The following KIFAP3 variants were observed in gnomAD, a reference collection of about 807,000 sequenced individuals.
The protein encoded by KIFAP3 is kinesin associated protein 3, also known as kinesin-associated protein 3.
Under a neutral mutation model 106.5 loss-of-function variants are expected in KIFAP3, and 68 were observed. The observed-to-expected ratio is 0.64, with a 90% CI of 0.53 to 0.78. KIFAP3 has a LOEUF of 0.78. Ranked by LOEUF, KIFAP3 falls within the 30% of genes least tolerant of loss-of-function variation. The pLI, the probability that KIFAP3 is intolerant of heterozygous loss-of-function variation, is 0.00. For synonymous variants in KIFAP3, 320 were observed against 311.5 expected, an observed-to-expected ratio of 1.03 and a Z score of -0.29; for missense variants, 780 against 941.8, an observed-to-expected ratio of 0.83 and a Z score of 2.25.
intron 10 of KIFAP3, among the ~76,000 whole-genome samples, chr1:170,001,556 C>A (rs1366075100): frequency 6.6e-6 from 1 of 152,132 alleles, no homozygotes; most frequent in Non-Finnish European, 1.5e-5. Flanking sequence ...TGTTTGCTCA[C>A]TTGATCAGGT....
At chr1:170,011,853 T>C (rs1265506045) in intron 10 of KIFAP3, among the ~76,000 whole-genome samples, 1 of 152,124 alleles carries the variant, frequency 6.6e-6, no homozygotes, top group Non-Finnish European at 1.5e-5. Flanking sequence ...GTTAATGATT[T>C]AATTGTCTAC....
Position 170,039,286 on chromosome 1 carries a change from T to G in KIFAP3, c.322A>C (p.Lys108Gln), listed in dbSNP as rs759016796. ...NRRDSLSGKE[K>Q]KEKSSKPKDP... ...TTAGGCTTGCTTGATTTTTCTTTTTTCTCTGTAAAAAGATTTTTTTTTAAT... is the reference window on the plus strand; with the variant it reads ...TTAGGCTTGCTTGATTTTTCTTTTTGCTCTGTAAAAAGATTTTTTTTTAAT... Residue 108 changes from lysine (K) to glutamine (Q), a missense_variant and splice_region_variant, in exon 4 of 20, where the codon AAA (lysine) becomes CAA (glutamine). Around this residue, in one of 3 missense-constraint regions of KIFAP3, gnomAD observed 588 missense variants for 678.9 expected, o/e 0.87. Coordinates refer to ENST00000361580, the MANE Select transcript of KIFAP3 (RefSeq NM_014970.4). 25 of 1,588,766 alleles carry G rather than the reference T, an allele frequency of 1.6e-5. No individual in the cohort carries two copies. The South Asian group carries it at 2.6e-4, about 17-fold the overall frequency.
rs1446810204 is a variant in KIFAP3 at position 170,035,676 on chromosome 1, G to C, written c.518-123C>G. 1.1e-5 allele frequency: 6 copies of C among 548,954 alleles called. No individual in the cohort carries two copies. The Admixed American group carries it at 2.3e-4, about 21-fold the overall frequency. 34.0% of individuals were successfully genotyped at this position (548,954 alleles called of 1,614,324 possible). On this transcript the variant is annotated intron_variant, in intron 5 of 19. Coordinates refer to ENST00000361580, the MANE Select transcript of KIFAP3 (RefSeq NM_014970.4). ...TAAGATAGAACTGGGACAAAAAGTA[G>C]GATGCTTCTTTCCAATACAGACAGC...
chr1:170,049,418 T>C (rs1353516027), intron 2 of KIFAP3, among the ~76,000 whole-genome samples: 2 of 152,208 alleles, frequency 1.3e-5, no homozygotes, highest in Admixed American at 6.5e-5. Context: ...CTTTCCTGCC[T>C]GCTGGCTTTG....
rs559800866 is a variant in KIFAP3 at position 170,028,500 on chromosome 1, G to A, written c.841+3386C>T. On this transcript the variant is annotated intron_variant, in intron 8 of 19. Coordinates refer to ENST00000361580, the MANE Select transcript of KIFAP3 (RefSeq NM_014970.4). Reference sequence around the variant, plus strand: ...CTACAGGCGTGTGCCACCACACCCAGCTAATTTTTGTTTTTTGGTGGAGAC... The same window carrying A: ...CTACAGGCGTGTGCCACCACACCCAACTAATTTTTGTTTTTTGGTGGAGAC... 6.6e-5 allele frequency among the ~76,000 whole-genome samples: 10 copies of A among 152,212 alleles called. 1 individual carries two copies. Among genetic ancestry groups the A allele is most frequent in the South Asian group, 6.2e-4 (3 of 4,826 alleles).
At chr1:169,997,125 T>C (rs1425080952) in intron 10 of KIFAP3, among the ~76,000 whole-genome samples, 1 of 152,198 alleles carries the variant, frequency 6.6e-6, no homozygotes, top group Non-Finnish European at 1.5e-5. Flanking sequence ...GGAGGCAGAA[T>C]GCTCGGGTTC....
At chr1:169,945,660 T>C (rs1164180991) in intron 19 of KIFAP3, among the ~76,000 whole-genome samples, 1 of 152,230 alleles carries the variant, frequency 6.6e-6, no homozygotes, top group African/African-American at 2.4e-5. Context: ...AATTGAACAC[T>C]AACTTGAAGA....
chr1:170,037,611 C>T (rs1259866684), intron 5 of KIFAP3, among the ~76,000 whole-genome samples: 1 of 150,972 alleles, frequency 6.6e-6, no homozygotes, highest in Non-Finnish European at 1.5e-5. Flanking sequence ...GTGGCACGTG[C>T]CTATAATCCC....
intron 3 of KIFAP3, among the ~76,000 whole-genome samples, chr1:170,042,063 AG>A (rs991090111): frequency 2.0e-5 from 3 of 152,182 alleles, no homozygotes; most frequent in Non-Finnish European, 2.9e-5. Context: ...ACGGGTGGAA[AG>A]GGGGGTCTGT....
At chr1:169,955,532 A>C (rs1220565672) in intron 18 of KIFAP3, among the ~76,000 whole-genome samples, 1 of 152,110 alleles carries the variant, frequency 6.6e-6, no homozygotes, top group African/African-American at 2.4e-5. Context: ...TAAATGACGA[A>C]ATCTGTTTGA....
At chr1:170,004,146 C>A (rs1161536459) in intron 10 of KIFAP3, among the ~76,000 whole-genome samples, 2 of 151,950 alleles carry the variant, frequency 1.3e-5, no homozygotes, top group African/African-American at 4.8e-5. Flanking sequence ...ATGCAATTTA[C>A]AAGGGATGTG....
intron 10 of KIFAP3, among the ~76,000 whole-genome samples, chr1:170,006,224 CTTCCTTTCATGTG>C (rs1324443457): frequency 6.6e-6 from 1 of 152,112 alleles, no homozygotes; most frequent in Admixed American, 6.6e-5. Context: ...TTTGATGTTC[CTTCCTTTCATGTG>C]TTCCTTTCAT....
At chr1:170,002,817 T>C (rs1667732945) in intron 10 of KIFAP3, among the ~76,000 whole-genome samples, 1 of 152,184 alleles carries the variant, frequency 6.6e-6, no homozygotes, top group Non-Finnish European at 1.5e-5. Context: ...ATAGAAAAGC[T>C]TAGCAACATC....
intron 17 of KIFAP3, among the ~76,000 whole-genome samples, chr1:169,965,910 GA>G (rs781294486): frequency 6.6e-6 from 1 of 151,934 alleles, no homozygotes; most frequent in Non-Finnish European, 1.5e-5. Flanking sequence ...CCAAGGCAGT[GA>G]GTTAGCACAG....
chr1:169,964,979 TAGAA>T (rs2101873222), intron 17 of KIFAP3, among the ~76,000 whole-genome samples: 1 of 152,216 alleles, frequency 6.6e-6, no homozygotes, highest in Admixed American at 6.6e-5. Flanking sequence ...AATCATACAG[TAGAA>T]AGAAAGGATA....
chr1:170,031,478 AAAGC>A (rs1409798041), intron 8 of KIFAP3, among the ~76,000 whole-genome samples: 3 of 151,744 alleles, frequency 2.0e-5, no homozygotes, highest in Non-Finnish European at 4.4e-5. Flanking sequence ...ATATCTTAAT[AAAGC>A]TAGAGACAAG....
intron 2 of KIFAP3, 81 bp from the exon 3 acceptor site, chr1:170,046,947 A>AAC (rs1670289916): frequency 2.9e-6 from 2 of 697,074 alleles, no homozygotes; most frequent in South Asian, 9.6e-5. Flanking sequence ...TAATTTATAG[A>AAC]TTATAAATTA....
rs116592805 is a variant in KIFAP3, at chr1:170,028,990, T to C, written c.841+2896A>G. Among the ~76,000 whole-genome samples, 1,089 of 152,222 alleles carry C rather than the reference T, an allele frequency of 7.2e-3. 17 individuals carry two copies. The highest frequency in any genetic ancestry group is 0.024 in the African/African-American group (999 of 41,554). Reference sequence around the variant, plus strand: ...AAACATGCAAAGCCAATCTAAATGCTGTTCATAAAAAAACACACTTAATAT... The same window carrying C: ...AAACATGCAAAGCCAATCTAAATGCCGTTCATAAAAAAACACACTTAATAT... On this transcript the variant is annotated intron_variant, in intron 8 of 19. Coordinates refer to ENST00000361580, the MANE Select transcript of KIFAP3 (RefSeq NM_014970.4).
chr1:170,059,600 G>A (rs1038054185), intron 1 of KIFAP3, among the ~76,000 whole-genome samples: 2 of 152,078 alleles, frequency 1.3e-5, no homozygotes, highest in African/African-American at 4.8e-5. Flanking sequence ...AGGAGGAACT[G>A]GTACCATTCC....
Sources: gnomAD v4.1 joint callset for allele counts (sites outside exome capture counted in the v4.1 genomes callset) on GRCh38, gnomAD v4.1.1 for gene constraint, gnomAD v4.1.1 regional missense constraint, MANE v1.5 for transcripts, NCBI Gene and HGNC (gene_info 2026-07-23, HGNC 2026-07-21) for gene names.